Variants in EFHC2 observed in about 807,000 individuals in gnomAD.
EFHC2 encodes the protein EF-hand domain containing 2.
EFHC2 carries 18 observed loss-of-function variants against 52.7 expected under a neutral mutation model. The ratio of observed to expected loss-of-function variants is 0.34; its 90% confidence interval spans 0.24 to 0.51. The LOEUF (loss-of-function observed/expected upper bound fraction) is 0.51. EFHC2 is among the 20% of genes least tolerant of loss of function. The pLI is 0.97. For synonymous variants in EFHC2, 203 were observed against 204.1 expected (o/e 0.99, Z 0.04); for missense variants, 513 against 562.5 (o/e 0.91, Z 0.89).
chrX:44,202,978 T>C (rs921477078), intron 11 of EFHC2, among the ~76,000 whole-genome samples: 6 of 111,114 alleles, frequency 5.4e-5, no homozygotes, highest in African/African-American at 1.6e-4. Flanking sequence ...CCAGTAACTG[T>C]TGGAGATGCA....
chrX:44,226,443 G>A (rs2037232767), intron 11 of EFHC2, among the ~76,000 whole-genome samples: 1 of 111,590 alleles, frequency 9.0e-6, no homozygotes, highest in Admixed American at 9.5e-5. Flanking sequence ...GGACTCTTGG[G>A]GATGCCCATG....
chrX:44,319,334 C>T (rs2038003221), intron 1 of EFHC2, among the ~76,000 whole-genome samples: 1 of 111,346 alleles, frequency 9.0e-6, no homozygotes, highest in South Asian at 3.8e-4. Flanking sequence ...ACTGCCATAT[C>T]TTAACATGAA....
chrX:44,313,095 C>CAAAAAAAAAAAAAAAAGAAAAAAAA (rs2037958988), intron 1 of EFHC2, among the ~76,000 whole-genome samples: 1 of 50,065 alleles, frequency 2.0e-5, no homozygotes, highest in Non-Finnish European at 4.3e-5. Context: ...ATGCAAACAG[C>CAAAAAAAAAAAAAAAAGAAAAAAAA]AAAAAAAAAA....
intron 1 of EFHC2, among the ~76,000 whole-genome samples, chrX:44,340,027 T>C (rs1438859150): frequency 9.0e-6 from 1 of 111,238 alleles, no homozygotes; most frequent in East Asian, 2.8e-4. Context: ...CACACGCACA[T>C]ACACACATGC....
At chrX:44,199,819 C>A (rs997558439) in intron 11 of EFHC2, among the ~76,000 whole-genome samples, 1 of 111,959 alleles carries the variant, frequency 8.9e-6, no homozygotes, top group African/African-American at 3.2e-5. Context: ...AGTGTATAAT[C>A]TCAGTCCAAC....
At chrX:44,275,427 A>G (rs1054445445) in intron 2 of EFHC2, among the ~76,000 whole-genome samples, 7 of 110,795 alleles carry the variant, frequency 6.3e-5, no homozygotes, top group Non-Finnish European at 1.1e-4. Flanking sequence ...AGTAGAATGT[A>G]AGAGGAGAGA....
At chrX:44,324,639 A>G (rs1010742059) in intron 1 of EFHC2, among the ~76,000 whole-genome samples, 2 of 111,933 alleles carry the variant, frequency 1.8e-5, no homozygotes, top group African/African-American at 6.5e-5. Context: ...AACAATAACT[A>G]AGAATATATG....
At position 44,157,777 on chromosome X, in the gene EFHC2, C is replaced by T. The variant is rs751761757; in HGVS notation, c.2148+6145G>A. Among the ~76,000 whole-genome samples the T allele has an allele frequency of 1.1e-4, 11 of 101,901 alleles. No individual in the cohort carries two copies. The South Asian group carries it at 5.4e-3, about 50-fold the overall frequency. 88.5% of individuals were successfully genotyped at this position (101,901 alleles called of 115,157 possible). On this transcript the variant is annotated intron_variant, in intron 14 of 14. Transcript: ENST00000420999. ...CGCTTGGTTCCCTTAACCCTACCCA[C>T]CCCGTCAACAGTCCCTTTATCAAAT...
intron 14 of EFHC2, among the ~76,000 whole-genome samples, chrX:44,149,924 TA>T (rs2036556745): frequency 8.9e-6 from 1 of 112,371 alleles, no homozygotes; most frequent in South Asian, 3.7e-4. Flanking sequence ...ATCTTGCAGA[TA>T]AGCCACTTTA....
chrX:44,250,561 A>T, intron 4 of EFHC2, 116 bp from the exon 5 acceptor site: 2 of 887,811 alleles, frequency 2.3e-6, no homozygotes, highest in East Asian at 7.3e-5. Flanking sequence ...ATGGTGGCTG[A>T]TGCCTGTAAT....
Position 44,238,348 on chromosome X carries a change from T to C in EFHC2, c.1281-2901A>G, listed in dbSNP as rs2037335209. On this transcript the variant is annotated intron_variant, in intron 8 of 14. Coordinates refer to ENST00000420999, the MANE Select transcript of EFHC2 (RefSeq NM_025184.4). Reference sequence around the variant, plus strand: ...GATCTGAGCCACCAAAACTTTTCTCTTGGACTACTGCAGTAGCTTCTTACC... The same window carrying C: ...GATCTGAGCCACCAAAACTTTTCTCCTGGACTACTGCAGTAGCTTCTTACC... Among the ~76,000 whole-genome samples, 3 of 111,643 alleles carry C rather than the reference T, an allele frequency of 2.7e-5. No homozygotes were observed. The Admixed American group carries it at 2.9e-4, about 11-fold the overall frequency.
chrX:44,231,447 C>T (rs183177790), intron 10 of EFHC2, among the ~76,000 whole-genome samples: 1 of 111,061 alleles, frequency 9.0e-6, no homozygotes, highest in Non-Finnish European at 1.9e-5. Flanking sequence ...GAGGCTCTCC[C>T]TACCCACCCC....
intron 7 of EFHC2, among the ~76,000 whole-genome samples, chrX:44,245,556 G>C (rs950433365): frequency 8.9e-6 from 1 of 112,101 alleles, no homozygotes; most frequent in Non-Finnish European, 1.9e-5. Flanking sequence ...ACATGCTACA[G>C]CCTGGCAGGC....
chrX:44,155,059 G>A (rs781087783), intron 14 of EFHC2, among the ~76,000 whole-genome samples: 9 of 112,119 alleles, frequency 8.0e-5, no homozygotes, highest in Non-Finnish European at 1.7e-4. Context: ...AATCTCAGAA[G>A]AAAACTTGAT....
At chrX:44,255,813 G>C (rs762572931) in intron 4 of EFHC2, among the ~76,000 whole-genome samples, 5 of 111,873 alleles carry the variant, frequency 4.5e-5, no homozygotes, top group Non-Finnish European at 5.6e-5. Context: ...CAAATCAACA[G>C]AGTATACATT....
chrX:44,156,574 T>A (rs941679517), intron 14 of EFHC2, among the ~76,000 whole-genome samples: 2 of 111,636 alleles, frequency 1.8e-5, no homozygotes, highest in Non-Finnish European at 3.8e-5. Context: ...GCCCCCTACT[T>A]CCTGATGCCA....
Position 44,229,677 on chromosome X carries a change from T to A in EFHC2, c.1723A>T (p.Thr575Ser). 2 of 1,211,379 alleles carry A rather than the reference T, an allele frequency of 1.7e-6. No individual in the cohort carries two copies. Among genetic ancestry groups the A allele is most frequent in the Non-Finnish European group, 2.2e-6 (2 of 895,206 alleles). ...AATGTATTATAATCCACCATATTTG[T>A]GTGCTTAGAGTCAGCAGCTTTAAAT... Reference protein sequence around the residue: ...QVFKAADSKHTNMVDYNTFRD... With the variant: ...QVFKAADSKHSNMVDYNTFRD... Residue 575 changes from threonine (T) to serine (S), a missense_variant, in exon 11 of 15, where the codon ACA (threonine) becomes TCA (serine). By Grantham distance (58) the Thr-to-Ser change is moderately conservative. Coordinates refer to ENST00000420999, the MANE Select transcript of EFHC2 (RefSeq NM_025184.4).
chrX:44,199,686 A>T (rs1220794638), intron 11 of EFHC2, among the ~76,000 whole-genome samples: 1 of 112,056 alleles, frequency 8.9e-6, no homozygotes. Context: ...AAGCTGGCAG[A>T]CATTACCTGA....
intron 3 of EFHC2, among the ~76,000 whole-genome samples, chrX:44,268,851 T>A (rs1293142636): frequency 9.0e-6 from 1 of 111,726 alleles, no homozygotes; most frequent in Non-Finnish European, 1.9e-5. Flanking sequence ...TAAAATAAAA[T>A]GTCATACTTT....
Sources: gnomAD v4.1 joint callset for allele counts (sites outside exome capture counted in the v4.1 genomes callset) on GRCh38, gnomAD v4.1.1 for gene constraint, MANE v1.5 for transcripts, NCBI Gene and HGNC (gene_info 2026-07-23, HGNC 2026-07-21) for gene names.